Variants in HPD observed in about 807,000 individuals in gnomAD.
HPD encodes the protein 4-hydroxyphenylpyruvic acid oxidase.
In HPD, 35 loss-of-function variants were observed where a neutral mutation model predicts 56.9. The observed-to-expected ratio is 0.62, with a 90% CI of 0.47 to 0.82. The LOEUF (loss-of-function observed/expected upper bound fraction) is 0.82. Among genes scored for constraint, HPD ranks in the 40% least tolerant of loss-of-function variants. The probability of loss-of-function intolerance (pLI) is 0.00; values close to 1 mark genes in which losing one functional copy is unlikely to be tolerated. For missense variants in HPD, 442 were observed against 506.8 expected (o/e 0.87, Z 1.23); for synonymous variants, 186 against 200.2 (o/e 0.93, Z 0.60).
the HPD span, among the ~76,000 whole-genome samples, chr12:121,883,179 G>A: frequency 8.5e-6 from 1 of 117,314 alleles, no homozygotes; most frequent in Non-Finnish European, 1.8e-5. Flanking sequence ...TGGAGCATAA[G>A]TTGTGTGTGT....
At chr12:121,855,144 A>G (rs1877947251) in intron 6 of HPD, among the ~76,000 whole-genome samples, 1 of 152,220 alleles carries the variant, frequency 6.6e-6, no homozygotes, top group Non-Finnish European at 1.5e-5. Flanking sequence ...AGATTCATGC[A>G]TTTATTTAGC....
intron 8 of HPD, 33 bp downstream of exon 8, chr12:121,849,654 T>G: frequency 7.1e-7 from 1 of 1,412,868 alleles, no homozygotes; most frequent in South Asian, 1.1e-5. Context: ...CCCTCAGGGC[T>G]TTCCACCCAC....
the HPD span, among the ~76,000 whole-genome samples, chr12:121,877,041 CCAAGATTGCGTCA>C: frequency 6.7e-6 from 1 of 149,756 alleles, no homozygotes; most frequent in Non-Finnish European, 1.5e-5. Flanking sequence ...TTGCAGTGAG[CCAAGATTGCGTCA>C]CTGTACTCTA....
At chr12:121,869,390 T>A in the HPD span, among the ~76,000 whole-genome samples, 1 of 148,554 alleles carries the variant, frequency 6.7e-6, no homozygotes, top group African/African-American at 2.5e-5. Context: ...GGATATGGGG[T>A]CTCACTATGT....
At chr12:121,876,748 T>C in the HPD span, among the ~76,000 whole-genome samples, 1 of 152,098 alleles carries the variant, frequency 6.6e-6, no homozygotes, top group African/African-American at 2.4e-5. Flanking sequence ...CTTCAATACA[T>C]GGCTTAACCT....
At chr12:121,848,857 C>T (rs1014781718) in intron 9 of HPD, 142 bp downstream of exon 9, 24 of 755,078 alleles carry the variant, frequency 3.2e-5, no homozygotes, top group Admixed American at 2.6e-4. Context: ...CCTCCCACCT[C>T]GGCTTCCCAG....
At chr12:121,843,388 G>A (rs958619988) in intron 12 of HPD, among the ~76,000 whole-genome samples, 3 of 152,160 alleles carry the variant, frequency 2.0e-5, no homozygotes, top group East Asian at 1.9e-4. Flanking sequence ...CTTTCTTCCC[G>A]CTGTTCACAT....
upstream of HPD, among the ~76,000 whole-genome samples, chr12:121,865,271 CTTT>C (rs1878294694): frequency 6.6e-6 from 1 of 151,464 alleles, no homozygotes; most frequent in Non-Finnish European, 1.5e-5. Context: ...CTCTTTCTTT[CTTT>C]CTTTCTTTCT....
intron 3 of HPD, 132 bp from the exon 4 acceptor site, chr12:121,857,564 T>G (rs898006700): frequency 1.2e-6 from 1 of 844,278 alleles, no homozygotes; most frequent in Non-Finnish European, 2.0e-6. Context: ...CCTGGGAAGA[T>G]AGACTGCTGC....
chr12:121,846,325 T>C (rs1019001668), intron 11 of HPD, among the ~76,000 whole-genome samples: 3 of 152,214 alleles, frequency 2.0e-5, no homozygotes, highest in Non-Finnish European at 4.4e-5. Flanking sequence ...CAAGCACTTC[T>C]CTTGCCTCAG....
intron 7 of HPD, among the ~76,000 whole-genome samples, chr12:121,851,674 T>G: frequency 6.7e-6 from 1 of 148,424 alleles, no homozygotes; most frequent in Non-Finnish European, 1.5e-5. Context: ...TTTTAAAACA[T>G]TTTTATTCAT....
At chr12:121,874,265 T>C in the HPD span, 1 of 152,128 alleles carries the variant, frequency 6.6e-6, no homozygotes, top group Non-Finnish European at 1.5e-5. Context: ...AGAAAATGCT[T>C]ACATGGAACT....
At position 121,857,395 on chromosome 12, in the gene HPD, G is replaced by A; in HGVS notation, c.131C>T (p.Pro44Leu). The A allele has an allele frequency of 6.2e-7, 1 of 1,614,056 alleles. No individual in the cohort carries two copies. Among genetic ancestry groups the A allele is most frequent in the Non-Finnish European group, 8.5e-7 (1 of 1,179,902 alleles). ...SFYCSKMGFE[P>L]LAYRGLETGS... ...GGTCTCCAGGCCCCTGTAGGCTAGA[G>A]GTTCAAAGCCCATCTTGCTGCAGTA... Residue 44 changes from proline to leucine, a missense_variant, in exon 4 of 14, where the codon CCT becomes CTT. Physicochemically the swap from Pro to Leu is moderately conservative, Grantham distance 98. Transcript: ENST00000289004.
At chr12:121,856,088 C>T (rs1877983414) in intron 6 of HPD, among the ~76,000 whole-genome samples, 1 of 151,846 alleles carries the variant, frequency 6.6e-6, no homozygotes, top group Non-Finnish European at 1.5e-5. Flanking sequence ...AGAGAGAGGA[C>T]ACGGGGGAAG....
chr12:121,845,462 G>T (rs931710613), intron 11 of HPD, among the ~76,000 whole-genome samples: 1 of 150,436 alleles, frequency 6.6e-6, no homozygotes, highest in Non-Finnish European at 1.5e-5. Flanking sequence ...TTAGCTGGGC[G>T]TGGTGGCGGG....
chr12:121,864,071 T>TAAAAA (rs1246586614), upstream of HPD, among the ~76,000 whole-genome samples: 1 of 27,440 alleles, frequency 3.6e-5, no homozygotes, highest in African/African-American at 1.7e-4. Flanking sequence ...CTACTAAAAA[T>TAAAAA]ACAAAAAAAA....
intron 11 of HPD, among the ~76,000 whole-genome samples, chr12:121,845,554 T>G (rs916449168): frequency 3.5e-5 from 5 of 142,058 alleles, no homozygotes; most frequent in African/African-American, 1.3e-4. Flanking sequence ...TGAGCCGAGA[T>G]CGCGCCACTG....
At chr12:121,840,088 A>G (rs1468762289) in intron 12 of HPD, 40 bp from the exon 13 acceptor site, 1 of 1,359,238 alleles carries the variant, frequency 7.4e-7, no homozygotes, top group East Asian at 2.3e-5. Context: ...GGAGGCTGGC[A>G]CGGTGAGATC....
chr12:121,879,032 C>T, the HPD span, among the ~76,000 whole-genome samples: 2 of 152,070 alleles, frequency 1.3e-5, no homozygotes, highest in Non-Finnish European at 2.9e-5. Context: ...TGACTGTAAT[C>T]CCAGCACTTT....
Sources: allele counts gnomAD v4.1 joint callset (sites outside exome capture counted in the v4.1 genomes callset), GRCh38; gene constraint gnomAD v4.1.1; transcripts MANE v1.5; gene names NCBI Gene and HGNC (gene_info 2026-07-23, HGNC 2026-07-21).